The following SPRY3 variants were observed in gnomAD, a reference collection of about 807,000 sequenced individuals.
The protein encoded by SPRY3 is sprouty RTK signaling antagonist 3, also known as protein sprouty homolog 3.
SPRY3 carries 15 observed loss-of-function variants against 20.2 expected under a neutral mutation model. That is an observed-to-expected ratio of 0.74 (90% CI 0.50 to 1.14). The LOEUF is 1.14. SPRY3 is among the 50% of genes most tolerant of loss of function. The pLI is 0.00. For synonymous variants in SPRY3, 143 were observed against 136.5 expected, an observed-to-expected ratio of 1.05 and a Z score of -0.33; for missense variants, 364 against 363.9, an observed-to-expected ratio of 1.00 and a Z score of 0.00.
intron 2 of SPRY3, among the ~76,000 whole-genome samples, chrX:155,745,368 C>A (rs976162996): frequency 6.6e-6 from 1 of 151,968 alleles, no homozygotes; most frequent in Non-Finnish European, 1.5e-5. Flanking sequence ...AGGCTGGGGC[C>A]GGTACAAGGA....
chrX:155,745,089 A>G lies in SPRY3; in HGVS notation c.-281-22873A>G, dbSNP rs2091219701. On this transcript the variant is annotated intron_variant, in intron 2 of 3. Transcript: ENST00000675360. ...CATTCAAATGTTCCTTAGGGAGAAT[A>G]GAGATCCTATGCAAGTCTCAGGAAT... Among the ~76,000 whole-genome samples, 20 of 152,206 alleles carry G rather than the reference A, an allele frequency of 1.3e-4. No homozygotes were observed. In the South Asian group the frequency reaches 4.2e-3, roughly 32 times the overall value.
intron 2 of SPRY3, among the ~76,000 whole-genome samples, chrX:155,740,557 C>T (rs182959888): frequency 9.9e-5 from 15 of 152,198 alleles, no homozygotes; most frequent in East Asian, 7.7e-4. Flanking sequence ...GACTGAAATA[C>T]GCCCTGGTCT....
rs782085192 is a variant in SPRY3, at chrX:155,632,573, T to A, written c.-441+19926T>A. On this transcript the variant is annotated intron_variant, in intron 1 of 3. Transcript: ENST00000675360. The stretch of plus-strand genomic sequence containing the variant: ...GGCTCATCTCTATTCCCCATTGTTT[T>A]CTCATCCTCCAGCAGGCTAGCTTAG... Among the ~76,000 whole-genome samples, 226 of 111,006 alleles carry A rather than the reference T, an allele frequency of 2.0e-3. 1 individual carries two copies. The highest frequency in any genetic ancestry group is 7.2e-3 in the African/African-American group (218 of 30,482).
intron 1 of SPRY3, among the ~76,000 whole-genome samples, chrX:155,614,327 A>T (rs1456682066): frequency 7.1e-5 from 8 of 112,365 alleles, no homozygotes. Context: ...TAACAGGAAG[A>T]TCATAACTGT....
chrX:155,699,607 G>A (rs184934264), intron 2 of SPRY3, among the ~76,000 whole-genome samples: 6 of 111,361 alleles, frequency 5.4e-5, no homozygotes, highest in African/African-American at 2.0e-4. Flanking sequence ...AGAAAATGAA[G>A]CCTTGAACTA....
chrX:155,732,484 C>G (rs1312626091), intron 2 of SPRY3, among the ~76,000 whole-genome samples: 4 of 151,804 alleles, frequency 2.6e-5, no homozygotes, highest in African/African-American at 9.7e-5. Context: ...TTGATTTTAT[C>G]CAAAAGACAA....
At chrX:155,636,110 G>A (rs115665164) in intron 1 of SPRY3, among the ~76,000 whole-genome samples, 3,257 of 111,550 alleles carry the variant, frequency 0.029, 112 homozygotes, top group African/African-American at 0.098. Context: ...TGCTTTAATC[G>A]GGGACACAAT....
intron 2 of SPRY3, among the ~76,000 whole-genome samples, chrX:155,711,965 A>G (rs993946569): frequency 6.6e-5 from 10 of 151,828 alleles, no homozygotes; most frequent in African/African-American, 2.4e-4. Context: ...TGACCAACTG[A>G]TCATTCAGGA....
chrX:155,745,962 A>G (rs2091223876), intron 2 of SPRY3, among the ~76,000 whole-genome samples: 1 of 151,998 alleles, frequency 6.6e-6, no homozygotes, highest in Non-Finnish European at 1.5e-5. Context: ...TCAAGTCCAA[A>G]CTGCATGACT....
chrX:155,765,901 C>T (rs972338845), intron 2 of SPRY3, among the ~76,000 whole-genome samples: 2 of 152,184 alleles, frequency 1.3e-5, no homozygotes, highest in African/African-American at 2.4e-5. Flanking sequence ...ATTGAATTGC[C>T]TCAAGGGAGG....
intron 2 of SPRY3, among the ~76,000 whole-genome samples, chrX:155,679,160 G>A (rs1272230996): frequency 1.8e-5 from 2 of 111,022 alleles, no homozygotes; most frequent in Non-Finnish European, 3.8e-5. Flanking sequence ...TCAAACCTGC[G>A]TGTTCTGCAC....
intron 2 of SPRY3, among the ~76,000 whole-genome samples, chrX:155,717,267 G>A (rs780156667): frequency 6.6e-6 from 1 of 151,702 alleles, no homozygotes; most frequent in South Asian, 2.1e-4. Context: ...GAGAGCTTAA[G>A]TAGCCCGTCT....
chrX:155,625,094 T>C (rs1293856685), intron 1 of SPRY3, among the ~76,000 whole-genome samples: 1 of 112,034 alleles, frequency 8.9e-6, no homozygotes, highest in Non-Finnish European at 1.9e-5. Flanking sequence ...GGCATCTTTT[T>C]AAAACACTTT....
chrX:155,661,912 G>T (rs2068011112), intron 2 of SPRY3, among the ~76,000 whole-genome samples: 1 of 111,178 alleles, frequency 9.0e-6, no homozygotes, highest in Non-Finnish European at 1.9e-5. Flanking sequence ...AAAATTTTCT[G>T]TCTCTTTAGT....
rs782802317 is a variant in SPRY3 at position 155,640,941 on chromosome X, T to C, written c.-440-15926T>C. Among the ~76,000 whole-genome samples the C allele has an allele frequency of 6.3e-4, 71 of 111,969 alleles. No homozygotes were observed. The Middle Eastern group carries it at 0.018, about 29-fold the overall frequency. ...ATTTCTTTCTCTTGTCTGATTGCTC[T>C]AGCTAGGACTTGCAGTACTATATTG... is the stretch of plus-strand genomic sequence containing the variant. On this transcript the variant is annotated intron_variant, in intron 1 of 3. Transcript: ENST00000675360.
chrX:155,665,527 G>T (rs1371489524), intron 2 of SPRY3, among the ~76,000 whole-genome samples: 2 of 111,347 alleles, frequency 1.8e-5, no homozygotes, highest in African/African-American at 6.5e-5. Flanking sequence ...TCGTTATGTG[G>T]ATGAACTAGA....
chrX:155,771,950 T>C (rs1377423295), intron 3 of SPRY3, among the ~76,000 whole-genome samples: 16 of 152,150 alleles, frequency 1.1e-4, no homozygotes, highest in Admixed American at 7.2e-4. Flanking sequence ...CCATAATGGC[T>C]CAAGGTCCTT....
At chrX:155,714,517 G>A (rs2091008057) in intron 2 of SPRY3, among the ~76,000 whole-genome samples, 1 of 152,064 alleles carries the variant, frequency 6.6e-6, no homozygotes, top group Non-Finnish European at 1.5e-5. Flanking sequence ...CCAAACATAT[G>A]GCATCTCTTT....
chrX:155,772,305 T>G (rs1314755341), intron 3 of SPRY3, among the ~76,000 whole-genome samples: 1 of 152,192 alleles, frequency 6.6e-6, no homozygotes, highest in Non-Finnish European at 1.5e-5. Context: ...TATTAGCCAC[T>G]GAGTCCTTTA....
Sources: gnomAD v4.1 joint callset for allele counts (sites outside exome capture counted in the v4.1 genomes callset) on GRCh38, gnomAD v4.1.1 for gene constraint, MANE v1.5 for transcripts, NCBI Gene and HGNC (gene_info 2026-07-23, HGNC 2026-07-21) for gene names.